Variants in HYCC1 observed in about 807,000 individuals in gnomAD.
HYCC1 encodes hyccin.
the HYCC1 span, among the ~76,000 whole-genome samples, chr7:22,905,387 T>C: frequency 1.3e-5 from 1 of 76,822 alleles, no homozygotes; most frequent in Non-Finnish European, 2.5e-5. Flanking sequence ...TAATTTTGTA[T>C]TTTTTTTTTT....
At chr7:22,903,364 A>T in the HYCC1 span, among the ~76,000 whole-genome samples, 291 of 152,280 alleles carry the variant, frequency 1.9e-3, 2 homozygotes, top group African/African-American at 6.4e-3. Flanking sequence ...ACTCCAAATA[A>T]CCAAGAATTT....
chr7:22,977,055 C>A, the HYCC1 span, among the ~76,000 whole-genome samples: 5 of 146,500 alleles, frequency 3.4e-5, no homozygotes, highest in African/African-American at 1.3e-4. Flanking sequence ...CCACCCACCA[C>A]CCCCCTGCCC....
chr7:22,900,909 T>C, the HYCC1 span, among the ~76,000 whole-genome samples: 7 of 152,014 alleles, frequency 4.6e-5, no homozygotes, highest in East Asian at 1.2e-3. Context: ...AAGACACAAA[T>C]AGGTTTGAAA....
the HYCC1 span, among the ~76,000 whole-genome samples, chr7:22,977,780 T>G: frequency 6.6e-6 from 1 of 152,190 alleles, no homozygotes; most frequent in African/African-American, 2.4e-5. Flanking sequence ...TTTTGAAAGG[T>G]ACAAAACTTA....
chr7:22,927,929 A>C, the HYCC1 span, among the ~76,000 whole-genome samples: 1 of 152,242 alleles, frequency 6.6e-6, no homozygotes, highest in Non-Finnish European at 1.5e-5. Flanking sequence ...TGATGCAAAA[A>C]TCCTCAATAA....
chr7:22,988,559 G>A, the HYCC1 span, among the ~76,000 whole-genome samples: 21 of 152,212 alleles, frequency 1.4e-4, no homozygotes, highest in Admixed American at 1.1e-3. Flanking sequence ...TGCGACCAGG[G>A]TGCCATTGTT....
At chr7:22,953,734 T>C in the HYCC1 span, among the ~76,000 whole-genome samples, 13 of 151,874 alleles carry the variant, frequency 8.6e-5, no homozygotes, top group Non-Finnish European at 1.6e-4. Context: ...CAGTTAAAAT[T>C]CACAAAATTT....
the HYCC1 span, among the ~76,000 whole-genome samples, chr7:22,956,956 TA>T: frequency 3.9e-5 from 6 of 151,918 alleles, no homozygotes; most frequent in African/African-American, 1.4e-4. Flanking sequence ...TACTTTCCAT[TA>T]AAATATGTTG....
chr7:22,982,386 G>C, the HYCC1 span, among the ~76,000 whole-genome samples: 1 of 152,046 alleles, frequency 6.6e-6, no homozygotes, highest in Non-Finnish European at 1.5e-5. Flanking sequence ...TTCATGATAC[G>C]CATTATAGTA....
At chr7:22,975,603 T>C in the HYCC1 span, among the ~76,000 whole-genome samples, 1 of 152,174 alleles carries the variant, frequency 6.6e-6, no homozygotes, top group Non-Finnish European at 1.5e-5. Flanking sequence ...ACTTGAAAGG[T>C]CATAACAGCT....
chr7:22,963,379 T>C, the HYCC1 span, among the ~76,000 whole-genome samples: 1 of 152,152 alleles, frequency 6.6e-6, no homozygotes, highest in Non-Finnish European at 1.5e-5. Context: ...AAGAGTCTAA[T>C]GAAATGGTTA....
At chr7:22,944,239 TC>T in the HYCC1 span, 1 of 152,112 alleles carries the variant, frequency 6.6e-6, no homozygotes, top group African/African-American at 2.4e-5. Context: ...CCGTGCTTTC[TC>T]TCTCTCACTC....
chr7:22,934,348 G>C, the HYCC1 span: 2 of 151,348 alleles, frequency 1.3e-5, no homozygotes, highest in Non-Finnish European at 2.9e-5. Flanking sequence ...TCCCAAGTGC[G>C]ATTGGTTTAA....
the HYCC1 span, chr7:22,984,056 T>C: frequency 6.8e-7 from 1 of 1,471,408 alleles, no homozygotes; most frequent in South Asian, 1.1e-5. Context: ...CTAAACAAAT[T>C]TAAAAAAATA....
At chr7:22,916,886 T>C in the HYCC1 span, among the ~76,000 whole-genome samples, 1 of 152,234 alleles carries the variant, frequency 6.6e-6, no homozygotes, top group African/African-American at 2.4e-5. Flanking sequence ...TTAATATTTA[T>C]ACTGACTGTA....
the HYCC1 span, among the ~76,000 whole-genome samples, chr7:22,903,934 G>T: frequency 1.4e-4 from 21 of 152,180 alleles, no homozygotes; most frequent in African/African-American, 5.1e-4. Context: ...ATGAAATGTT[G>T]AAGGAAAAAT....
chr7:22,971,210 C>T, the HYCC1 span, among the ~76,000 whole-genome samples: 21 of 150,494 alleles, frequency 1.4e-4, no homozygotes, highest in South Asian at 2.5e-3. Context: ...TTTATTTATT[C>T]ATGATAGACC....
chr7:22,945,851 G>A, the HYCC1 span: 1 of 1,613,820 alleles, frequency 6.2e-7, no homozygotes, highest in Non-Finnish European at 8.5e-7. Flanking sequence ...ACTAGGCTTA[G>A]GTAGGGATTG....
At chr7:22,913,924 G>T in the HYCC1 span, among the ~76,000 whole-genome samples, 31 of 152,166 alleles carry the variant, frequency 2.0e-4, no homozygotes, top group Non-Finnish European at 4.1e-4. Flanking sequence ...TATGACCTCA[G>T]GTCCTCAGAA....
Sources: gnomAD v4.1 joint callset for allele counts (sites outside exome capture counted in the v4.1 genomes callset) on GRCh38, gnomAD v4.1.1 for gene constraint, MANE v1.5 for transcripts, NCBI Gene and HGNC (gene_info 2026-07-23, HGNC 2026-07-21) for gene names.